Variants in HS3ST4 observed in about 807,000 individuals in gnomAD.
HS3ST4 encodes heparan sulfate glucosamine 3-O-sulfotransferase 4.
HS3ST4 carries 17 observed loss-of-function variants against 29.2 expected under a neutral mutation model. The ratio of observed to expected loss-of-function variants is 0.58; its 90% CI spans 0.40 to 0.87. The LOEUF (loss-of-function observed/expected upper bound fraction) is 0.87, where lower values mean the gene tolerates loss of function less well. Among genes scored for constraint, HS3ST4 ranks in the 40% least tolerant of loss-of-function variants. HS3ST4 has a pLI of 0.00. For synonymous variants in HS3ST4, 314 were observed against 285.7 expected (o/e 1.10, Z -1.00); for missense variants, 627 against 634.5 (o/e 0.99, Z 0.13).
chr16:26,022,613 G>C (rs1017624090), intron 1 of HS3ST4, among the ~76,000 whole-genome samples: 2 of 151,982 alleles, frequency 1.3e-5, no homozygotes, highest in Admixed American at 6.6e-5. Context: ...ACAGGCAGCA[G>C]GTCAAAATCT....
At chr16:25,953,089 G>A (rs967922754) in intron 1 of HS3ST4, among the ~76,000 whole-genome samples, 1 of 152,178 alleles carries the variant, frequency 6.6e-6, no homozygotes, top group African/African-American at 2.4e-5. Context: ...CAGCTCCAGT[G>A]ACTTTAATAT....
At chr16:25,834,321 A>C (rs1967336078) in intron 1 of HS3ST4, among the ~76,000 whole-genome samples, 1 of 152,214 alleles carries the variant, frequency 6.6e-6, no homozygotes, top group South Asian at 2.1e-4. Flanking sequence ...TTGTTTTAAG[A>C]AGTCCTCTAG....
chr16:26,037,858 C>T (rs571950077), intron 1 of HS3ST4, among the ~76,000 whole-genome samples: 122 of 152,292 alleles, frequency 8.0e-4, no homozygotes, highest in Non-Finnish European at 1.5e-3. Flanking sequence ...ATCTGGTGAG[C>T]TGGCCCCCAT....
chr16:25,874,354 G>A (rs1394121367), intron 1 of HS3ST4, among the ~76,000 whole-genome samples: 1 of 152,120 alleles, frequency 6.6e-6, no homozygotes, highest in African/African-American at 2.4e-5. Flanking sequence ...GGTCCAGAGG[G>A]GTTAAGTGGT....
chr16:25,809,428 T>A (rs974635116), intron 1 of HS3ST4, among the ~76,000 whole-genome samples: 7 of 152,194 alleles, frequency 4.6e-5, no homozygotes, highest in African/African-American at 1.7e-4. Context: ...TGCTAACATT[T>A]TGTTAAGAAT....
intron 1 of HS3ST4, among the ~76,000 whole-genome samples, chr16:26,071,864 C>T (rs1898607140): frequency 6.6e-6 from 1 of 152,156 alleles, no homozygotes; most frequent in Non-Finnish European, 1.5e-5. Flanking sequence ...TTTCTTCTAC[C>T]TGTCATGTTA....
chr16:25,757,001 A>G (rs149550963), intron 1 of HS3ST4, among the ~76,000 whole-genome samples: 1,528 of 152,256 alleles, frequency 0.01, 27 homozygotes, highest in African/African-American at 0.035. Flanking sequence ...GTACCTAGCC[A>G]TGTGTCTCCT....
At chr16:26,130,532 C>T (rs890714008) in intron 1 of HS3ST4, among the ~76,000 whole-genome samples, 1 of 152,198 alleles carries the variant, frequency 6.6e-6, no homozygotes, top group Non-Finnish European at 1.5e-5. Context: ...ACTTTGCCTA[C>T]AGCCCCAAGG....
At chr16:26,026,020 T>A (rs1969468311) in intron 1 of HS3ST4, among the ~76,000 whole-genome samples, 1 of 152,168 alleles carries the variant, frequency 6.6e-6, no homozygotes. Context: ...GTGGTCTGCC[T>A]GCTTCAGCCT....
At chr16:26,024,710 C>A (rs566327717) in intron 1 of HS3ST4, among the ~76,000 whole-genome samples, 3 of 152,098 alleles carry the variant, frequency 2.0e-5, no homozygotes, top group Non-Finnish European at 4.4e-5. Context: ...CCAGCCTGGG[C>A]GACAAAAGCA....
In HS3ST4 at chr16:26,117,010, G is replaced by A. The variant is rs796534900; in HGVS notation, c.735-18602G>A. Among the ~76,000 whole-genome samples, 84 of 152,304 alleles carry A rather than the reference G, an allele frequency of 5.5e-4. 1 individual carries two copies. Among genetic ancestry groups the A allele is most frequent in the African/African-American group, 1.9e-3 (77 of 41,564 alleles). ...GATAAAGTATATTCAACTTTAACAG[G>A]CTATCCTCTTGTCTTTTGAGAAATT... On this transcript the variant is annotated intron_variant, in intron 1 of 1. Transcript: ENST00000331351.
At chr16:25,764,182 C>A in intron 1 of HS3ST4, among the ~76,000 whole-genome samples, 1 of 152,132 alleles carries the variant, frequency 6.6e-6, no homozygotes, top group South Asian at 2.1e-4. Flanking sequence ...CATATTGGGA[C>A]ATTGCAGGGA....
chr16:25,818,481 A>AT (rs988882169), intron 1 of HS3ST4, among the ~76,000 whole-genome samples: 3 of 152,164 alleles, frequency 2.0e-5, no homozygotes, highest in African/African-American at 7.2e-5. Context: ...AGTTTCTGGT[A>AT]TTTTTTGTAG....
At chr16:26,089,680 C>G (rs929227857) in intron 1 of HS3ST4, among the ~76,000 whole-genome samples, 2 of 152,332 alleles carry the variant, frequency 1.3e-5, no homozygotes, top group Non-Finnish European at 1.5e-5. Flanking sequence ...CTGGACCTAC[C>G]ATTAGGAAGC....
At chr16:25,809,427 T>G (rs568627869) in intron 1 of HS3ST4, among the ~76,000 whole-genome samples, 1 of 152,294 alleles carries the variant, frequency 6.6e-6, no homozygotes, top group East Asian at 1.9e-4. Context: ...TTGCTAACAT[T>G]TTGTTAAGAA....
rs1966302622 is a variant in HS3ST4, at chr16:25,696,986, G to A, written c.734+3835G>A. On this transcript the variant is annotated intron_variant, in intron 1 of 1. Coordinates refer to ENST00000331351, the MANE Select transcript of HS3ST4 (RefSeq NM_006040.3). ...TAAATGATTAACTCAGGGTCACTTGGCTGTTCAGTGCCTCTGCTGAGATTT... is the reference window on the plus strand; with the variant it reads ...TAAATGATTAACTCAGGGTCACTTGACTGTTCAGTGCCTCTGCTGAGATTT... Among the ~76,000 whole-genome samples, 4 of 152,258 alleles carry A rather than the reference G, an allele frequency of 2.6e-5. 1 individual carries two copies. The highest frequency in any genetic ancestry group is 2.6e-4 in the Admixed American group (4 of 15,288).
intron 1 of HS3ST4, among the ~76,000 whole-genome samples, chr16:25,712,570 C>T (rs1383612676): frequency 6.6e-6 from 1 of 151,866 alleles, no homozygotes; most frequent in Non-Finnish European, 1.5e-5. Context: ...AAGACAAGAA[C>T]GTCAACAATG....
intron 1 of HS3ST4, among the ~76,000 whole-genome samples, chr16:26,134,693 T>C (rs1898257678): frequency 6.6e-6 from 1 of 152,214 alleles, no homozygotes; most frequent in Admixed American, 6.5e-5. Context: ...ATAATTCAAT[T>C]TGCTGAGGTC....
At chr16:26,058,969 G>A (rs1039257989) in intron 1 of HS3ST4, among the ~76,000 whole-genome samples, 1 of 152,148 alleles carries the variant, frequency 6.6e-6, no homozygotes, top group Non-Finnish European at 1.5e-5. Flanking sequence ...GAGGAAGGTG[G>A]GTTCTGGCTT....
Sources: gnomAD v4.1 joint callset for allele counts (sites outside exome capture counted in the v4.1 genomes callset) on GRCh38, gnomAD v4.1.1 for gene constraint, MANE v1.5 for transcripts, NCBI Gene and HGNC (gene_info 2026-07-23, HGNC 2026-07-21) for gene names.